Variants in ARL8B observed in about 807,000 individuals in gnomAD.
ARL8B encodes the protein ADP-ribosylation factor-like protein 8B.
Under a neutral mutation model 30.6 loss-of-function variants are expected in ARL8B, and 9 were observed. The observed-to-expected ratio is 0.29, with a 90% CI of 0.18 to 0.51. ARL8B has a LOEUF of 0.51. Among genes scored for constraint, ARL8B ranks in the 20% least tolerant of loss-of-function variants. The pLI is 0.97. For missense variants in ARL8B, 130 were observed against 227.2 expected, an observed-to-expected ratio of 0.57 and a Z score of 2.75; for synonymous variants, 74 against 76.0, an observed-to-expected ratio of 0.97 and a Z score of 0.14.
At chr3:5,174,234 C>A in intron 5 of ARL8B, 110 bp from the exon 6 acceptor site, 1 of 1,069,726 alleles carries the variant, frequency 9.3e-7, no homozygotes, top group Non-Finnish European at 1.4e-6. Context: ...TTTAGGATTG[C>A]TACGATGATT....
Position 5,179,361 on chromosome 3 carries a change from T to TA in ARL8B, c.*649dup, listed in dbSNP as rs1212862743. 1 of 152,286 alleles carries TA rather than the reference T, an allele frequency of 6.6e-6. No individual in the cohort carries two copies. The highest frequency in any genetic ancestry group is 1.9e-4 in the East Asian group (1 of 5,208). The allele number at this position is 152,286 out of a possible 1,614,324, so 9.4% of individuals were successfully genotyped here. On this transcript the variant is annotated 3_prime_UTR_variant, in exon 7 of 7. Coordinates refer to ENST00000256496, the MANE Select transcript of ARL8B (RefSeq NM_018184.3). Reference sequence around the variant, plus strand: ...GATTCTGCCTGATGAATATTAAAGATATCCTGCTTTCTGAGAACTCTATCA... The same window carrying TA: ...GATTCTGCCTGATGAATATTAAAGATAATCCTGCTTTCTGAGAACTCTATCA...
intron 1 of ARL8B, among the ~76,000 whole-genome samples, chr3:5,136,433 T>G (rs1447938280): frequency 1.3e-5 from 2 of 152,224 alleles, no homozygotes; most frequent in East Asian, 1.9e-4. Context: ...ACACATCCTT[T>G]AGGGTCTTGC....
chr3:5,176,453 A>T (rs1295859487), intron 6 of ARL8B, among the ~76,000 whole-genome samples: 1 of 151,240 alleles, frequency 6.6e-6, no homozygotes, highest in Non-Finnish European at 1.5e-5. Flanking sequence ...CTGGTCTTGA[A>T]CTCCTGACCT....
At chr3:5,139,779 T>A (rs2054356054) in intron 1 of ARL8B, among the ~76,000 whole-genome samples, 1 of 152,136 alleles carries the variant, frequency 6.6e-6, no homozygotes, top group South Asian at 2.1e-4. Flanking sequence ...GAAATGAAAC[T>A]GAACGGGAAG....
Position 5,179,779 on chromosome 3 carries a change from C to T in ARL8B, c.*1066C>T, listed in dbSNP as rs916129948. The T allele has an allele frequency of 6.6e-6, 1 of 152,474 alleles. No individual in the cohort carries two copies. The highest frequency in any genetic ancestry group is 2.4e-5 in the African/African-American group (1 of 41,454). 9.4% of individuals were successfully genotyped at this position (152,474 alleles called of 1,614,324 possible). On this transcript the variant is annotated 3_prime_UTR_variant, in exon 7 of 7. Coordinates refer to ENST00000256496, the MANE Select transcript of ARL8B (RefSeq NM_018184.3). ...CACTCTTTTGACTGGTGCCATTAGA[C>T]ATCTTGATTATTGTGACAACTCTAG...
At chr3:5,170,414 A>G (rs1421171279) in intron 1 of ARL8B, 89 bp from the exon 2 acceptor site, 2 of 774,564 alleles carry the variant, frequency 2.6e-6, no homozygotes, top group Non-Finnish European at 4.0e-6. Flanking sequence ...TATTTACTAA[A>G]ATGGTTACAA....
chr3:5,174,267 A>G, intron 5 of ARL8B, 77 bp from the exon 6 acceptor site: 1 of 1,161,768 alleles, frequency 8.6e-7, no homozygotes, highest in Non-Finnish European at 1.3e-6. Context: ...TAATAAAACT[A>G]ATGAGTAAAA....
At chr3:5,136,237 C>A (rs1052678243) in intron 1 of ARL8B, among the ~76,000 whole-genome samples, 1 of 152,110 alleles carries the variant, frequency 6.6e-6, no homozygotes, top group Non-Finnish European at 1.5e-5. Context: ...AATGTTTTCA[C>A]GTAAGGCATT....
rs762615166 is a variant in ARL8B, at chr3:5,174,034, CAA to C, written c.391_392del (p.Lys131GlufsTer5). ...QGIPVLVLGN[K>X]RDLPNALDEK... ...TTTTAAAGGTGCTAGTGCTTGGAAA[CAA>C]GAGAGATCTTCCTAATGCCTTGGAT... On this transcript the variant is annotated frameshift_variant, in exon 5 of 7. Coordinates refer to ENST00000256496, the MANE Select transcript of ARL8B (RefSeq NM_018184.3). LOFTEE classifies it high-confidence loss of function. The C allele has an allele frequency of 1.1e-5, 17 of 1,612,440 alleles. No homozygotes were observed. Among genetic ancestry groups the C allele is most frequent in the Admixed American group, 5.0e-5 (3 of 59,950 alleles).
rs1035727794 is a variant in ARL8B at position 5,142,919 on chromosome 3, C to G, written c.123+20331C>G. 5.9e-5 allele frequency among the ~76,000 whole-genome samples: 9 copies of G among 152,264 alleles called. No homozygotes were observed. In the Middle Eastern group the frequency reaches 0.014, roughly 230 times the overall value. On this transcript the variant is annotated intron_variant, in intron 1 of 6. Coordinates refer to ENST00000256496, the MANE Select transcript of ARL8B (RefSeq NM_018184.3). ...TTTGGCAGTTATTTGGCAAGGAGCC[C>G]TTGGACAGATGTAGTTTATTCTTTA...
chr3:5,167,055 A>G (rs894354044), intron 1 of ARL8B, among the ~76,000 whole-genome samples: 14 of 152,362 alleles, frequency 9.2e-5, no homozygotes, highest in South Asian at 4.1e-4. Context: ...CATGACTTGC[A>G]TCTAGTTAGT....
chr3:5,163,774 G>A (rs2054601558), intron 1 of ARL8B, among the ~76,000 whole-genome samples: 1 of 152,196 alleles, frequency 6.6e-6, no homozygotes, highest in African/African-American at 2.4e-5. Flanking sequence ...GGAGGCTGAG[G>A]CAGGAGAATT....
chr3:5,147,329 G>A (rs2054428660), intron 1 of ARL8B, among the ~76,000 whole-genome samples: 1 of 152,132 alleles, frequency 6.6e-6, no homozygotes, highest in Non-Finnish European at 1.5e-5. Flanking sequence ...CTTCATCCAT[G>A]TCCCTGCAAA....
chr3:5,128,668 T>A (rs2054253681), intron 1 of ARL8B: 1 of 218,702 alleles, frequency 4.6e-6, no homozygotes, highest in Non-Finnish European at 9.3e-6. Flanking sequence ...AAATTTTTTT[T>A]CTGAAATTTT....
In ARL8B at chr3:5,178,907, A is replaced by T; in HGVS notation, c.*194A>T. On this transcript the variant is annotated 3_prime_UTR_variant, in exon 7 of 7. Coordinates refer to ENST00000256496, the MANE Select transcript of ARL8B (RefSeq NM_018184.3). ...AAGAATCAGCTAGAGTTGTCATGAT[A>T]AAGTCAGCACACACAAAAAGGCTTC... 2 of 1,047,838 alleles carry T rather than the reference A, an allele frequency of 1.9e-6. No individual in the cohort carries two copies. The highest frequency in any genetic ancestry group is 4.0e-5 in the South Asian group (2 of 50,482). The allele number at this position is 1,047,838 out of a possible 1,614,324, so 64.9% of individuals were successfully genotyped here.
intron 1 of ARL8B, among the ~76,000 whole-genome samples, chr3:5,155,489 C>G (rs1003640201): frequency 6.6e-6 from 1 of 152,146 alleles, no homozygotes; most frequent in Non-Finnish European, 1.5e-5. Context: ...AATTATGTCT[C>G]TGCCTCCTAT....
chr3:5,156,282 C>T, intron 1 of ARL8B, among the ~76,000 whole-genome samples: 1 of 152,020 alleles, frequency 6.6e-6, no homozygotes, highest in Admixed American at 6.6e-5. Flanking sequence ...CCATACTTCC[C>T]TGTCTCTTTT....
chr3:5,135,231 T>C (rs2054314298), intron 1 of ARL8B, among the ~76,000 whole-genome samples: 1 of 152,172 alleles, frequency 6.6e-6, no homozygotes, highest in South Asian at 2.1e-4. Flanking sequence ...CCATTTCCAA[T>C]ACAAAGAACG....
At chr3:5,152,575 C>A (rs535102379) in intron 1 of ARL8B, among the ~76,000 whole-genome samples, 122 of 152,282 alleles carry the variant, frequency 8.0e-4, no homozygotes, top group African/African-American at 2.8e-3. Context: ...ACCTCCAACT[C>A]CTGGACTTAA....
Sources: allele counts gnomAD v4.1 joint callset (sites outside exome capture counted in the v4.1 genomes callset), GRCh38; gene constraint gnomAD v4.1.1; transcripts MANE v1.5; gene names NCBI Gene and HGNC (gene_info 2026-07-23, HGNC 2026-07-21).